Variants in NTM observed in about 807,000 individuals in gnomAD.
NTM encodes IgLON family member 2.
A neutral mutation model predicts 42.1 loss-of-function variants in NTM; 13 were observed. That is an observed-to-expected ratio of 0.31 (90% CI 0.20 to 0.49). NTM has a LOEUF of 0.49. Ranked by LOEUF, NTM falls within the 20% of genes least tolerant of loss-of-function variation. The probability of loss-of-function intolerance (pLI) is 0.99; values close to 1 mark genes in which losing one functional copy is unlikely to be tolerated. For missense variants in NTM, 373 were observed against 452.8 expected (o/e 0.82, Z 1.60); for synonymous variants, 187 against 179.2 (o/e 1.04, Z -0.35).
At chr11:131,500,575 ATATTTTTTTT>A (rs1241428267) in intron 1 of NTM, among the ~76,000 whole-genome samples, 548 of 18,028 alleles carry the variant, frequency 0.03, 6 homozygotes, top group African/African-American at 0.14. Context: ...ATATATATAT[ATATTTTTTTT>A]TTTTTTTTTT....
intron 4 of NTM, among the ~76,000 whole-genome samples, chr11:132,297,290 T>C (rs2094648589): frequency 6.6e-6 from 1 of 152,242 alleles, no homozygotes. Flanking sequence ...GTCCCCCAAG[T>C]GGTCCCCTTG....
At chr11:131,867,302 G>A (rs1489592453) in intron 1 of NTM, among the ~76,000 whole-genome samples, 1 of 152,190 alleles carries the variant, frequency 6.6e-6, no homozygotes, top group Non-Finnish European at 1.5e-5. Flanking sequence ...GAGTGGAGAG[G>A]TTGCAGCAAG....
At chr11:131,914,627 G>GCTCTAACAATCCTT (rs1194982791) in intron 2 of NTM, among the ~76,000 whole-genome samples, 2 of 152,186 alleles carry the variant, frequency 1.3e-5, no homozygotes, top group Non-Finnish European at 2.9e-5. Context: ...TATCCAAGTA[G>GCTCTAACAATCCTT]CTCTAACAAT....
chr11:131,528,224 G>C (rs906323993), intron 1 of NTM, among the ~76,000 whole-genome samples: 2 of 152,090 alleles, frequency 1.3e-5, no homozygotes, highest in African/African-American at 4.8e-5. Flanking sequence ...AGACATCTTG[G>C]TCTGGGAATA....
chr11:132,108,054 A>G (rs1360172645), intron 2 of NTM, among the ~76,000 whole-genome samples: 1 of 152,188 alleles, frequency 6.6e-6, no homozygotes, highest in African/African-American at 2.4e-5. Context: ...CTCCTTCTCA[A>G]TAAAGGACAC....
chr11:131,478,152 T>C (rs558584922), intron 1 of NTM, among the ~76,000 whole-genome samples: 1 of 152,356 alleles, frequency 6.6e-6, no homozygotes, highest in Admixed American at 6.5e-5. Context: ...GGTCAGTATC[T>C]GCCATTCACA....
At chr11:132,220,406 A>T (rs2084901334) in intron 4 of NTM, among the ~76,000 whole-genome samples, 1 of 152,230 alleles carries the variant, frequency 6.6e-6, no homozygotes, top group Admixed American at 6.5e-5. Flanking sequence ...AAAATTTGCC[A>T]GTGTCAATAG....
chr11:131,650,503 TG>T (rs1168558224), intron 1 of NTM, among the ~76,000 whole-genome samples: 1 of 152,218 alleles, frequency 6.6e-6, no homozygotes, highest in Non-Finnish European at 1.5e-5. Flanking sequence ...TTGACTTCCC[TG>T]GTTTCTCAGT....
intron 8 of NTM, chr11:132,332,365 T>G (rs920715923): frequency 6.6e-6 from 1 of 152,320 alleles, no homozygotes; most frequent in Non-Finnish European, 1.5e-5. Context: ...GGTCACATAG[T>G]GCCAGCCACT....
Position 131,574,922 on chromosome 11 carries a change from C to T in NTM, c.82+204034C>T, listed in dbSNP as rs544635608. Among the ~76,000 whole-genome samples the T allele has an allele frequency of 5.9e-5, 9 of 152,216 alleles. No individual in the cohort carries two copies. The South Asian group carries it at 1.2e-3, about 21-fold the overall frequency. On this transcript the variant is annotated intron_variant, in intron 1 of 8. Transcript: ENST00000683400. ...GGGCTATTTGAATAGCAGCAATCCT[C>T]CTGATTTGCTTCTCTCCAAAAAACC...
chr11:131,629,723 C>G (rs1256119686), intron 1 of NTM, among the ~76,000 whole-genome samples: 4 of 152,154 alleles, frequency 2.6e-5, no homozygotes, highest in Non-Finnish European at 5.9e-5. Flanking sequence ...AGGACAGAAC[C>G]TCATTTGCTT....
chr11:131,874,015 T>TATATTATATAATATA (rs2048189591), intron 1 of NTM, among the ~76,000 whole-genome samples: 1 of 67,514 alleles, frequency 1.5e-5, no homozygotes, highest in Admixed American at 2.6e-4. Context: ...ATAATATATT[T>TATATTATATAATATA]ATATAATATA....
chr11:132,111,212 A>AAATTTATGTG (rs1377216438), intron 2 of NTM, among the ~76,000 whole-genome samples: 3 of 150,834 alleles, frequency 2.0e-5, no homozygotes, highest in Non-Finnish European at 2.9e-5. Flanking sequence ...AAGTCCCCAG[A>AAATTTATGTG]AATTTATGTG....
chr11:132,022,531 G>A (rs899136361), intron 2 of NTM, among the ~76,000 whole-genome samples: 3 of 151,672 alleles, frequency 2.0e-5, no homozygotes, highest in Non-Finnish European at 4.4e-5. Context: ...CTCTTTGCGA[G>A]TTCCCTTGTG....
chr11:132,279,564 A>G (rs1051029885), intron 4 of NTM, among the ~76,000 whole-genome samples: 7 of 152,214 alleles, frequency 4.6e-5, no homozygotes, highest in Non-Finnish European at 8.8e-5. Flanking sequence ...TTATGTATAA[A>G]TACTTAAAAC....
intron 1 of NTM, among the ~76,000 whole-genome samples, chr11:131,799,046 A>T (rs1380303175): frequency 6.6e-6 from 1 of 152,210 alleles, no homozygotes; most frequent in African/African-American, 2.4e-5. Context: ...GCAGACAGAA[A>T]ATTTGCCAGC....
intron 7 of NTM, among the ~76,000 whole-genome samples, chr11:132,316,755 G>A (rs1412365366): frequency 6.6e-6 from 1 of 152,160 alleles, no homozygotes; most frequent in Admixed American, 6.5e-5. Flanking sequence ...ATTCCTGTGT[G>A]AGATGAGTAT....
intron 2 of NTM, among the ~76,000 whole-genome samples, chr11:132,057,890 C>A (rs2135990510): frequency 6.6e-6 from 1 of 152,290 alleles, no homozygotes; most frequent in South Asian, 2.1e-4. Context: ...ATTTTGTGAT[C>A]ATTTTGACCT....
intron 2 of NTM, among the ~76,000 whole-genome samples, chr11:132,052,430 C>T (rs182038848): frequency 6.6e-6 from 1 of 152,140 alleles, no homozygotes; most frequent in Admixed American, 6.5e-5. Flanking sequence ...GTGTAAATGG[C>T]ACTTTATCAG....
Sources: allele counts gnomAD v4.1 joint callset (sites outside exome capture counted in the v4.1 genomes callset), GRCh38; gene constraint gnomAD v4.1.1; transcripts MANE v1.5; gene names NCBI Gene and HGNC (gene_info 2026-07-23, HGNC 2026-07-21).